The following EP400 variants were observed in gnomAD, a reference collection of about 807,000 sequenced individuals.
EP400 encodes E1A binding protein p400.
Under a neutral mutation model 354.1 loss-of-function variants are expected in EP400, and 105 were observed. The ratio of observed to expected loss-of-function variants is 0.30; its 90% CI spans 0.25 to 0.35. The LOEUF (loss-of-function observed/expected upper bound fraction) is 0.35, where lower values mean the gene tolerates loss of function less well. EP400 is among the 10% of genes least tolerant of loss of function. The pLI is 1.00. For synonymous variants in EP400, 1,646 were observed against 1,716.9 expected, an observed-to-expected ratio of 0.96 and a Z score of 1.02; for missense variants, 3,280 against 4,121.0, an observed-to-expected ratio of 0.80 and a Z score of 5.59.
At chr12:132,059,920 G>A (rs188595777) in intron 45 of EP400, among the ~76,000 whole-genome samples, 1 of 152,172 alleles carries the variant, frequency 6.6e-6, no homozygotes, top group East Asian at 1.9e-4. Context: ...CTACTCGGGA[G>A]GCTGAGGCAG....
In EP400 at chr12:132,052,391, C is replaced by T. The variant is rs1275370590; in HGVS notation, c.7395-755C>T. ...CCCCCAGGACTCCCTACTGCCCACG[C>T]TCTGAGTCGCCTGGCCCTGGCTTTC... On this transcript the variant is annotated intron_variant, in intron 41 of 52. Coordinates refer to ENST00000389561, the MANE Select transcript of EP400 (RefSeq NM_015409.5). This position sits in a 1 kb window ranked among gnomAD's most constrained non-coding sequence, Gnocchi z 4.4. Among the ~76,000 whole-genome samples the T allele has an allele frequency of 6.6e-6, 1 of 152,246 alleles. No individual in the cohort carries two copies. Among genetic ancestry groups the T allele is most frequent in the African/African-American group, 2.4e-5 (1 of 41,482 alleles).
At chr12:132,003,387 T>C (rs980829896) in intron 12 of EP400, among the ~76,000 whole-genome samples, 5 of 152,140 alleles carry the variant, frequency 3.3e-5, no homozygotes, top group Non-Finnish European at 7.3e-5. Flanking sequence ...TACGTGCAAA[T>C]ATACATTACT....
rs970538318 is a variant in EP400 at position 132,052,971 on chromosome 12, A to T, written c.7395-175A>T. ...AAGAGGACTCAGCGCCAGGCTGAGGATGAGGTCTAGGTGGCTCGATCTCCT... is the reference window on the plus strand; with the variant it reads ...AAGAGGACTCAGCGCCAGGCTGAGGTTGAGGTCTAGGTGGCTCGATCTCCT... On this transcript the variant is annotated intron_variant, in intron 41 of 52. Coordinates refer to ENST00000389561, the MANE Select transcript of EP400 (RefSeq NM_015409.5). This position sits in a 1 kb window ranked among gnomAD's most constrained non-coding sequence, Gnocchi z 4.4. Among the ~76,000 whole-genome samples the T allele has an allele frequency of 1.3e-5, 2 of 152,076 alleles. No homozygotes were observed. Among genetic ancestry groups the T allele is most frequent in the Non-Finnish European group, 2.9e-5 (2 of 68,004 alleles).
chr12:131,955,154 A>AAGT (rs1286862427), intron 1 of EP400, among the ~76,000 whole-genome samples: 1 of 152,218 alleles, frequency 6.6e-6, no homozygotes, highest in Non-Finnish European at 1.5e-5. Context: ...TGTTTTTGAG[A>AAGT]AGTGTTATTT....
chr12:131,955,085 T>A (rs1455244920), intron 1 of EP400, among the ~76,000 whole-genome samples: 1 of 152,156 alleles, frequency 6.6e-6, no homozygotes, highest in East Asian at 1.9e-4. Context: ...TCGTTAAAAA[T>A]TTTTAAAGTT....
Position 132,019,281 on chromosome 12 carries a change from A to AC in EP400, c.4278-765dup, listed in dbSNP as rs1316369347. On this transcript the variant is annotated intron_variant, in intron 21 of 52. Coordinates refer to ENST00000389561, the MANE Select transcript of EP400 (RefSeq NM_015409.5). ...GGTCTTGAACTCTTGGGCTCAAGGG[A>AC]CCCTCCTGCCTTGGTCCCCCAAAGT... Among the ~76,000 whole-genome samples, 4 of 152,130 alleles carry AC rather than the reference A, an allele frequency of 2.6e-5. No individual in the cohort carries two copies. The East Asian group carries it at 7.8e-4, about 29-fold the overall frequency.
Position 132,028,199 on chromosome 12 carries a change from G to T in EP400, c.5292G>T (p.Ala1764=). 6.2e-7 allele frequency: 1 copy of T among 1,614,162 alleles called. No homozygotes were observed. Among genetic ancestry groups the T allele is most frequent in the Non-Finnish European group, 8.5e-7 (1 of 1,180,036 alleles). Residue 1764 remains alanine, a synonymous_variant, in exon 27 of 53, where the codon GCG becomes GCT. Coordinates refer to ENST00000389561, the MANE Select transcript of EP400 (RefSeq NM_015409.5). ...DGRRGKEAGP[A]HSYTSSSESP... ...GTCGTGGGAAGGAGGCCGGGCCAGC[G>T]CACAGTTACACTTCATCCTCAGAAA...
intron 34 of EP400, 108 bp from the exon 35 acceptor site, chr12:132,044,069 G>A (rs1233036058): frequency 2.0e-6 from 3 of 1,465,412 alleles, no homozygotes; most frequent in Admixed American, 3.8e-5. Context: ...AGCAGTGTGT[G>A]TAGAGAACAT....
rs1896049809 is a variant in EP400 at position 132,070,989 on chromosome 12, CTG to C, written c.9021+1350_9021+1351del. Among the ~76,000 whole-genome samples the C allele has an allele frequency of 6.6e-6, 1 of 152,166 alleles. No individual in the cohort carries two copies. ...TTTCCTTCGTATACAGTTGTATCAC[CTG>C]TAAATCATGACGATCTACTTCTCCC... is the stretch of plus-strand genomic sequence containing the variant. On this transcript the variant is annotated intron_variant, in intron 51 of 52. Coordinates refer to ENST00000389561, the MANE Select transcript of EP400 (RefSeq NM_015409.5). This position sits in a 1 kb window ranked among gnomAD's most constrained non-coding sequence, Gnocchi z 4.1.
Position 132,023,727 on chromosome 12 carries a change from A to C in EP400, c.4691-50A>C, listed in dbSNP as rs1894205050. 4.4e-6 allele frequency: 7 copies of C among 1,599,400 alleles called. No individual in the cohort carries two copies. In the South Asian group the frequency reaches 5.7e-5, roughly 13 times the overall value. On this transcript the variant is annotated intron_variant, in intron 23 of 52. Coordinates refer to ENST00000389561, the MANE Select transcript of EP400 (RefSeq NM_015409.5). ...AACGACTGTCAATATGACACTCCCA[A>C]ATTTTTTCCAAAATGATCTGAATTC... is the stretch of plus-strand genomic sequence containing the variant.
intron 1 of EP400, among the ~76,000 whole-genome samples, chr12:131,957,135 T>C (rs1309374967): frequency 6.6e-6 from 1 of 152,074 alleles, no homozygotes; most frequent in Admixed American, 6.6e-5. Context: ...CCTCCCAAAG[T>C]GCTGGGATTA....
In EP400 at chr12:131,960,953, C is replaced by T. The variant is rs759118815; in HGVS notation, c.334C>T (p.Arg112Trp). 1.9e-6 allele frequency: 3 copies of T among 1,611,760 alleles called. No homozygotes were observed. Among genetic ancestry groups the T allele is most frequent in the East Asian group, 2.2e-5 (1 of 44,776 alleles). Residue 112 changes from arginine (R) to tryptophan (W), a missense_variant, in exon 2 of 53, where the codon CGG (arginine) becomes TGG (tryptophan). By Grantham distance (101) the Arg-to-Trp change is moderately radical. Coordinates refer to ENST00000389561, the MANE Select transcript of EP400 (RefSeq NM_015409.5). Reference sequence around the variant, plus strand: ...CTTCCAGTTCAGCGCTCAGCCTCGGCGGTTTGAGCATGGGTCTCCATCATA... The same window carrying T: ...CTTCCAGTTCAGCGCTCAGCCTCGGTGGTTTGAGCATGGGTCTCCATCATA... ...PGFQFSAQPR[R>W]FEHGSPSYIQ...
At chr12:131,988,764 A>G (rs976395879) in intron 7 of EP400, among the ~76,000 whole-genome samples, 1 of 151,986 alleles carries the variant, frequency 6.6e-6, no homozygotes, top group Non-Finnish European at 1.5e-5. Flanking sequence ...CCTCCTCATT[A>G]CTGTGTCGCT....
chr12:132,053,780 C>T (rs753239073), intron 43 of EP400, among the ~76,000 whole-genome samples, 183 bp downstream of exon 43: 4 of 152,234 alleles, frequency 2.6e-5, no homozygotes, highest in Non-Finnish European at 5.9e-5. Flanking sequence ...TGTGTGTTTT[C>T]ACCTGGATTC....
At chr12:132,064,252 T>G (rs1459240290) in intron 47 of EP400, among the ~76,000 whole-genome samples, 1 of 152,142 alleles carries the variant, frequency 6.6e-6, no homozygotes, top group Non-Finnish European at 1.5e-5. Flanking sequence ...CTCTCCCAAA[T>G]CCATTTCAAA....
chr12:132,064,023 GAC>G (rs1491285087), intron 47 of EP400, among the ~76,000 whole-genome samples: 1 of 90,372 alleles, frequency 1.1e-5, no homozygotes, highest in East Asian at 2.8e-4. Context: ...AACCACTGAT[GAC>G]CCCCCCCCGG....
intron 2 of EP400, among the ~76,000 whole-genome samples, chr12:131,968,122 G>A (rs1006310415): frequency 9.9e-5 from 15 of 151,728 alleles, no homozygotes; most frequent in South Asian, 2.1e-4. Context: ...ACAATTTATC[G>A]TTTTTTTCTT....
chr12:132,065,979 A>T (rs559785431), intron 48 of EP400: 1 of 152,384 alleles, frequency 6.6e-6, no homozygotes, highest in South Asian at 2.1e-4. Flanking sequence ...TTACAAAGTG[A>T]TGAATGTACA....
Position 132,050,719 on chromosome 12 carries a change from G to T in EP400, c.7394+64G>T. 6.3e-7 allele frequency: 1 copy of T among 1,587,916 alleles called. No individual in the cohort carries two copies. On this transcript the variant is annotated intron_variant, in intron 41 of 52. Coordinates refer to ENST00000389561, the MANE Select transcript of EP400 (RefSeq NM_015409.5). This position sits in a 1 kb window ranked among gnomAD's most constrained non-coding sequence, Gnocchi z 4.8. ...AGGATTTCATTCCAGTGTCATCTAA[G>T]TTCAGTGAGTTCAGCAAATCGTTGT...
Sources: gnomAD v4.1 joint callset for allele counts (sites outside exome capture counted in the v4.1 genomes callset) on GRCh38, gnomAD v4.1.1 for gene constraint, Gnocchi (gnomAD v3.1) non-coding constraint, MANE v1.5 for transcripts, NCBI Gene and HGNC (gene_info 2026-07-23, HGNC 2026-07-21) for gene names.